Variants in KIAA1210 observed in about 807,000 individuals in gnomAD.
The protein encoded by KIAA1210 is acrosomal protein KIAA1210.
KIAA1210 carries 48 observed loss-of-function variants against 78.9 expected under a neutral mutation model. The observed-to-expected ratio is 0.61, with a 90% CI of 0.48 to 0.77. The LOEUF is 0.77. Among genes scored for constraint, KIAA1210 ranks in the 30% least tolerant of loss-of-function variants. The pLI, the probability that KIAA1210 is intolerant of heterozygous loss-of-function variation, is 0.00. For missense variants in KIAA1210, 1,108 were observed against 1,100.0 expected (o/e 1.01, Z -0.10); for synonymous variants, 406 against 404.5 (o/e 1.00, Z -0.04).
Position 119,109,162 on chromosome X carries a change from T to C in KIAA1210, c.271A>G (p.Ser91Gly), listed in dbSNP as rs1385240331. The C allele has an allele frequency of 4.5e-5, 54 of 1,204,500 alleles. No individual in the cohort carries two copies. Among genetic ancestry groups the C allele is most frequent in the Middle Eastern group, 2.3e-4 (1 of 4,358 alleles). The change falls in exon 4 of 12, where the codon AGC becomes GGC. Residue 91 changes from serine to glycine, a missense_variant. Transcript: ENST00000691062. ...SMGSKALSHD[S>G]IFMLGPEPER... ...GGCTCAGGACCCAACATGAAGATGCTATCATGGGATAGGGCTTTGCTCCCC... is the reference window on the plus strand; with the variant it reads ...GGCTCAGGACCCAACATGAAGATGCCATCATGGGATAGGGCTTTGCTCCCC...
rs746934065 is a variant in KIAA1210 at position 119,087,489 on chromosome X, A to G, written c.3213T>C (p.Pro1071=). 1 of 1,208,725 alleles carries G rather than the reference A, an allele frequency of 8.3e-7. No homozygotes were observed. The highest frequency in any genetic ancestry group is 2.2e-5 in the Admixed American group (1 of 45,664). Residue 1071 remains proline, a synonymous_variant, in exon 9 of 12, where the codon CCT becomes CCC. Transcript: ENST00000691062. Reference sequence around the variant, plus strand: ...GCATCTTTGAAGAAATGCCTCCCTTAGGATTAGCACTCCCTGAATCTGAGA... The same window carrying G: ...GCATCTTTGAAGAAATGCCTCCCTTGGGATTAGCACTCCCTGAATCTGAGA... The part of the protein sequence containing the change: ...QVFSDSGSAN[P]KGGISSKMLP...
chrX:119,146,279 A>G (rs1929165366), intron 2 of KIAA1210, among the ~76,000 whole-genome samples: 1 of 112,431 alleles, frequency 8.9e-6, no homozygotes, highest in South Asian at 3.7e-4. Context: ...ATCAGGTTGT[A>G]CACCATAAAT....
At chrX:119,108,728 G>A (rs1278441002) in intron 4 of KIAA1210, among the ~76,000 whole-genome samples, 2 of 108,760 alleles carry the variant, frequency 1.8e-5, no homozygotes, top group Non-Finnish European at 3.8e-5. Context: ...TCATCCAGGC[G>A]TTACAGGCCT....
chrX:119,088,563 T>C lies in KIAA1210; in HGVS notation c.2139A>G (p.Gln713=), dbSNP rs1428035523. 1.7e-6 allele frequency: 2 copies of C among 1,211,186 alleles called. No homozygotes were observed. The highest frequency in any genetic ancestry group is 2.2e-5 in the Admixed American group (1 of 46,003). ...AQALGKPKNQ[Q]EVSSASNNTP... ...TATTATTTGAAGCAGAGGAGACTTC[T>C]TGTTGGTTTTTGGGCTTTCCCAAGG... is the stretch of plus-strand genomic sequence containing the variant. Residue 713 remains glutamine, a synonymous_variant, in exon 9 of 12, where the codon CAA becomes CAG. Transcript: ENST00000691062.
At chrX:119,132,985 C>T (rs1928829628) in intron 2 of KIAA1210, among the ~76,000 whole-genome samples, 1 of 110,971 alleles carries the variant, frequency 9.0e-6, no homozygotes, top group Non-Finnish European at 1.9e-5. Context: ...TATGTGCATC[C>T]ACCAAGCAGT....
At chrX:119,083,998 C>CAAAAAAAAAAAAAAAAAAAA (rs751363845) in intron 10 of KIAA1210, among the ~76,000 whole-genome samples, 1 of 16,955 alleles carries the variant, frequency 5.9e-5, no homozygotes, top group Non-Finnish European at 1.2e-4. Flanking sequence ...GAACCTGTCT[C>CAAAAAAAAAAAAAAAAAAAA]AAAAAAAAAA....
At chrX:119,114,279 G>A (rs1367875266) in intron 3 of KIAA1210, among the ~76,000 whole-genome samples, 1 of 111,214 alleles carries the variant, frequency 9.0e-6, no homozygotes, top group Non-Finnish European at 1.9e-5. Context: ...ATGGCTTGTG[G>A]GCCAACAGGA....
chrX:119,085,157 T>C (rs1314919436), intron 10 of KIAA1210, among the ~76,000 whole-genome samples: 1 of 112,303 alleles, frequency 8.9e-6, no homozygotes, highest in Non-Finnish European at 1.9e-5. Flanking sequence ...GCTGGGATTA[T>C]AAACAAGAGC....
chrX:119,093,533 A>T (rs936092992), intron 8 of KIAA1210, 134 bp downstream of exon 8: 13 of 372,472 alleles, frequency 3.5e-5, no homozygotes, highest in African/African-American at 3.4e-4. Context: ...CATTTTCTGC[A>T]TATAAAATTG....
intron 2 of KIAA1210, among the ~76,000 whole-genome samples, chrX:119,119,768 AG>A (rs1928387780): frequency 9.1e-6 from 1 of 110,345 alleles, no homozygotes; most frequent in Non-Finnish European, 1.9e-5. Context: ...CGAGGTCAGG[AG>A]GTGGAGACCA....
rs762677654 is a variant in KIAA1210, at chrX:119,089,659, C to G, written c.1043G>C (p.Ser348Thr). 1.7e-6 allele frequency: 2 copies of G among 1,209,649 alleles called. No individual in the cohort carries two copies. Among genetic ancestry groups the G allele is most frequent in the South Asian group, 3.5e-5 (2 of 56,700 alleles). ...TGCTGCTGACATTGGATAGCCCTGA[C>G]TCCGAGAAGCATCAGTGTTTGGAGC... ...DQAPNTDASR[S>T]QGYPMSAAYG... The change falls in exon 9 of 12, where the codon AGT (serine) becomes ACT (threonine). Residue 348 changes from serine to threonine, a missense_variant. Transcript: ENST00000691062.
intron 2 of KIAA1210, among the ~76,000 whole-genome samples, chrX:119,121,025 AC>A (rs947054758): frequency 9.2e-6 from 1 of 109,289 alleles, no homozygotes; most frequent in Non-Finnish European, 1.9e-5. Flanking sequence ...TGTATCCAAC[AC>A]CCCCCACCCC....
intron 1 of KIAA1210, among the ~76,000 whole-genome samples, chrX:119,125,735 A>ATATATATATATATATATATATATATAT (rs5903546): frequency 1.9e-4 from 3 of 15,788 alleles, no homozygotes; most frequent in Non-Finnish European, 3.1e-4. Flanking sequence ...ATATATATAT[A>ATATATATATATATATATATATATATAT]TTTTTTTTTT....
intron 5 of KIAA1210, among the ~76,000 whole-genome samples, chrX:119,107,031 C>A (rs1368266883): frequency 8.9e-6 from 1 of 112,044 alleles, no homozygotes; most frequent in Non-Finnish European, 1.9e-5. Context: ...TTGGGGTTGT[C>A]ATTTTGGTAC....
intron 3 of KIAA1210, among the ~76,000 whole-genome samples, chrX:119,113,814 T>G (rs1928162809): frequency 8.9e-6 from 1 of 111,895 alleles, no homozygotes; most frequent in African/African-American, 3.2e-5. Context: ...GCAAGTAAGC[T>G]GATACATGCT....
At chrX:119,091,306 A>G (rs1368626774) in intron 8 of KIAA1210, among the ~76,000 whole-genome samples, 1 of 112,251 alleles carries the variant, frequency 8.9e-6, no homozygotes, top group Non-Finnish European at 1.9e-5. Flanking sequence ...ACCTCTGTGG[A>G]AAACAGTATG....
At chrX:119,138,518 C>T (rs1045843272) in intron 2 of KIAA1210, among the ~76,000 whole-genome samples, 13 of 111,441 alleles carry the variant, frequency 1.2e-4, no homozygotes, top group African/African-American at 3.6e-4. Context: ...TGCGCCAGGC[C>T]GAGAAGGCGG....
At position 119,091,068 on chromosome X, in the gene KIAA1210, G is replaced by C. The variant is rs185383082; in HGVS notation, c.956-1322C>G. Among the ~76,000 whole-genome samples the C allele has an allele frequency of 1.2e-4, 14 of 112,055 alleles. No homozygotes were observed. In the East Asian group the frequency reaches 3.9e-3, roughly 31 times the overall value. On this transcript the variant is annotated intron_variant, in intron 8 of 11. Coordinates refer to ENST00000691062, the MANE Select transcript of KIAA1210 (RefSeq NM_001394962.1). ...ATAATCCATTAAAAAGTGGGCAAAG[G>C]ATATGAATAAACAATTCTCAAAAGA...
rs1926969713 is a variant in KIAA1210 at position 119,081,560 on chromosome X, ATGT to A, written c.4427-59_4427-57del. 4 of 1,059,552 alleles carry A rather than the reference ATGT, an allele frequency of 3.8e-6. No homozygotes were observed. The Admixed American group carries it at 9.7e-5, about 26-fold the overall frequency. 87.3% of individuals were successfully genotyped at this position (1,059,552 alleles called of 1,213,427 possible). The stretch of plus-strand genomic sequence containing the variant: ...TAAGGAACCCCAGCGATATTGGGGT[ATGT>A]TGTTTATGGAATGCCATATAATGTT... On this transcript the variant is annotated intron_variant, in intron 11 of 11. Transcript: ENST00000691062.
Sources: gnomAD v4.1 joint callset for allele counts (sites outside exome capture counted in the v4.1 genomes callset) on GRCh38, gnomAD v4.1.1 for gene constraint, MANE v1.5 for transcripts, NCBI Gene and HGNC (gene_info 2026-07-23, HGNC 2026-07-21) for gene names.